The following MCPH1 variants were observed in gnomAD, a reference collection of about 807,000 sequenced individuals.
The protein encoded by MCPH1 is microcephalin 1.
MCPH1 carries 104 observed loss-of-function variants against 84.5 expected under a neutral mutation model. The ratio of observed to expected loss-of-function variants is 1.23; its 90% CI spans 1.05 to 1.45. MCPH1 has a LOEUF of 1.45. MCPH1 is among the 40% of genes most tolerant of loss of function. The pLI, the probability that MCPH1 is intolerant of heterozygous loss-of-function variation, is 0.00. For synonymous variants in MCPH1, 514 were observed against 366.8 expected, an observed-to-expected ratio of 1.40 and a Z score of -4.58; for missense variants, 1,498 against 1,005.7, an observed-to-expected ratio of 1.49 and a Z score of -6.62.
chr8:6,431,900 C>T (rs2254903), intron 4 of MCPH1, among the ~76,000 whole-genome samples: 106,682 of 152,070 alleles, frequency 0.7, 40,079 homozygotes, highest in East Asian at 0.82. Flanking sequence ...ATATCTGTAG[C>T]CAAAATACCT....
At chr8:6,435,811 A>T (rs1272377121) in intron 4 of MCPH1, among the ~76,000 whole-genome samples, 1 of 152,224 alleles carries the variant, frequency 6.6e-6, no homozygotes, top group African/African-American at 2.4e-5. Flanking sequence ...GATCATGAAA[A>T]TGTCTCACAA....
At chr8:6,507,129 C>G (rs1813904065) in intron 12 of MCPH1, among the ~76,000 whole-genome samples, 1 of 152,108 alleles carries the variant, frequency 6.6e-6, no homozygotes, top group Non-Finnish European at 1.5e-5. Flanking sequence ...AACTCCTGAC[C>G]TCAGGTGATC....
intron 12 of MCPH1, among the ~76,000 whole-genome samples, chr8:6,571,278 A>T (rs1044004509): frequency 6.6e-6 from 1 of 152,130 alleles, no homozygotes; most frequent in Non-Finnish European, 1.5e-5. Flanking sequence ...ATTTTTTTCA[A>T]TGGATTGATG....
At position 6,442,099 on chromosome 8, in the gene MCPH1, C is replaced by A; in HGVS notation, c.613C>A (p.Pro205Thr). The change falls in exon 7 of 14, where the codon CCA becomes ACA. Residue 205 changes from proline to threonine, a missense_variant. Transcript: ENST00000344683. ...SQMIQQSHDN[P>T]SNSLCEAPLN... ...AATGATTCAGCAGTCTCATGATAAT[C>A]CAAGTAACTCTCTGTGTGAAGCACC... is the stretch of plus-strand genomic sequence containing the variant. The A allele has an allele frequency of 6.2e-7, 1 of 1,613,560 alleles. No homozygotes were observed. The highest frequency in any genetic ancestry group is 8.5e-7 in the Non-Finnish European group (1 of 1,179,546).
At chr8:6,406,824 C>G (rs13281597) in intron 1 of MCPH1, 135 bp downstream of exon 1, 2 of 851,008 alleles carry the variant, frequency 2.4e-6, no homozygotes, top group African/African-American at 3.5e-5. Context: ...CCCAGACCCC[C>G]TGCCGCCTCC....
chr8:6,530,508 CAAAA>C (rs55729820), intron 12 of MCPH1, among the ~76,000 whole-genome samples: 1 of 98,038 alleles, frequency 1.0e-5, no homozygotes, highest in Admixed American at 1.2e-4. Context: ...GACTCTGTCT[CAAAA>C]AAAAAAAAAA....
At chr8:6,479,487 T>C (rs989623589) in intron 10 of MCPH1, among the ~76,000 whole-genome samples, 3 of 151,578 alleles carry the variant, frequency 2.0e-5, no homozygotes, top group East Asian at 1.9e-4. Context: ...CAGGCTGGAG[T>C]GCAGTGGCGC....
At chr8:6,489,100 A>C (rs1333126068) in intron 11 of MCPH1, among the ~76,000 whole-genome samples, 1 of 152,156 alleles carries the variant, frequency 6.6e-6, no homozygotes, top group Non-Finnish European at 1.5e-5. Flanking sequence ...GTACAATAAA[A>C]AATTGATGTA....
At chr8:6,414,927 T>G (rs942594585) in intron 3 of MCPH1, 44 bp downstream of exon 3, 1 of 1,597,862 alleles carries the variant, frequency 6.3e-7, no homozygotes, top group African/African-American at 1.3e-5. Flanking sequence ...GTATCTAGTA[T>G]TGAAAATGTG....
chr8:6,470,078 T>G (rs1028035782), intron 9 of MCPH1, among the ~76,000 whole-genome samples: 11 of 152,316 alleles, frequency 7.2e-5, no homozygotes, highest in African/African-American at 2.6e-4. Flanking sequence ...AAAAGGGTTG[T>G]TTTTCTTCTT....
chr8:6,628,469 C>CAA (rs34188003), intron 13 of MCPH1, among the ~76,000 whole-genome samples: 537 of 40,922 alleles, frequency 0.013, 15 homozygotes, highest in African/African-American at 0.021. Flanking sequence ...GACTCTGTCT[C>CAA]AAAAAAAAAA....
intron 11 of MCPH1, among the ~76,000 whole-genome samples, chr8:6,491,997 T>C (rs927546588): frequency 6.6e-6 from 1 of 152,214 alleles, no homozygotes; most frequent in Non-Finnish European, 1.5e-5. Flanking sequence ...TACCCAGTAA[T>C]GGGATGGCTG....
intron 12 of MCPH1, among the ~76,000 whole-genome samples, chr8:6,530,155 G>A (rs1333399182): frequency 6.6e-6 from 1 of 152,038 alleles, no homozygotes; most frequent in Non-Finnish European, 1.5e-5. Context: ...ATCAAAAGGT[G>A]GGGCATGTGA....
At chr8:6,594,969 C>T (rs1318274829) in intron 12 of MCPH1, among the ~76,000 whole-genome samples, 1 of 152,182 alleles carries the variant, frequency 6.6e-6, no homozygotes, top group Non-Finnish European at 1.5e-5. Flanking sequence ...TTTTTCTAAT[C>T]TACTTTTGAC....
chr8:6,518,332 T>C (rs1209743995), intron 12 of MCPH1, among the ~76,000 whole-genome samples: 1 of 152,184 alleles, frequency 6.6e-6, no homozygotes, highest in African/African-American at 2.4e-5. Flanking sequence ...GCAAAAGAGA[T>C]TGAAAGGCTT....
chr8:6,613,268 A>T (rs539680223), intron 12 of MCPH1, among the ~76,000 whole-genome samples: 11 of 152,256 alleles, frequency 7.2e-5, no homozygotes, highest in African/African-American at 2.6e-4. Context: ...GGAGGGGAGG[A>T]CGAGCCGGGT....
At chr8:6,528,773 A>C (rs1250041666) in intron 12 of MCPH1, among the ~76,000 whole-genome samples, 1 of 152,244 alleles carries the variant, frequency 6.6e-6, no homozygotes. Flanking sequence ...GGAGACCTTG[A>C]AAGAATCATT....
intron 3 of MCPH1, among the ~76,000 whole-genome samples, chr8:6,423,445 A>C (rs545614230): frequency 2.6e-5 from 4 of 152,002 alleles, no homozygotes; most frequent in African/African-American, 9.7e-5. Context: ...GATTACTGGC[A>C]TGAGCCCCTG....
At chr8:6,413,731 T>A (rs888760325) in intron 2 of MCPH1, among the ~76,000 whole-genome samples, 5 of 151,912 alleles carry the variant, frequency 3.3e-5, no homozygotes, top group African/African-American at 1.2e-4. Flanking sequence ...AATCTTCTGA[T>A]CATGTTGCGT....
Sources: gnomAD v4.1 joint callset for allele counts (sites outside exome capture counted in the v4.1 genomes callset) on GRCh38, gnomAD v4.1.1 for gene constraint, MANE v1.5 for transcripts, NCBI Gene and HGNC (gene_info 2026-07-23, HGNC 2026-07-21) for gene names.